PTPRT: variants seen among roughly 807,000 people sequenced by gnomAD.
PTPRT encodes protein tyrosine phosphatase receptor type T, also known as receptor-type tyrosine-protein phosphatase T.
In PTPRT, 56 loss-of-function variants were observed where a neutral mutation model predicts 176.8. The observed-to-expected ratio is 0.32, with a 90% CI of 0.26 to 0.40. The LOEUF is 0.40. PTPRT is among the 10% of genes least tolerant of loss of function. PTPRT has a pLI of 1.00. For synonymous variants in PTPRT, 783 were observed against 739.0 expected (o/e 1.06, Z -0.96); for missense variants, 1,540 against 1,908.2 (o/e 0.81, Z 3.60).
chr20:42,646,308 A>G (rs2074898369), intron 7 of PTPRT, among the ~76,000 whole-genome samples: 1 of 152,190 alleles, frequency 6.6e-6, no homozygotes, highest in Non-Finnish European at 1.5e-5. Context: ...TTTATGGACC[A>G]TGGACCAAAT....
At chr20:43,043,188 T>C (rs1366767738) in intron 1 of PTPRT, among the ~76,000 whole-genome samples, 2 of 152,164 alleles carry the variant, frequency 1.3e-5, no homozygotes, top group Non-Finnish European at 2.9e-5. Context: ...AAGTGCTGAT[T>C]GCAAATACAC....
chr20:42,709,248 T>C (rs1466458567), intron 6 of PTPRT, among the ~76,000 whole-genome samples: 2 of 152,174 alleles, frequency 1.3e-5, no homozygotes, highest in African/African-American at 4.8e-5. Context: ...GTGTTACGGA[T>C]GTTTGTCCCC....
intron 3 of PTPRT, among the ~76,000 whole-genome samples, chr20:42,783,653 G>C (rs1328065663): frequency 1.3e-5 from 2 of 152,300 alleles, no homozygotes; most frequent in East Asian, 3.9e-4. Context: ...AGGGGACAAG[G>C]TGATGCCTGG....
intron 11 of PTPRT, among the ~76,000 whole-genome samples, chr20:42,327,532 AG>A (rs2057903150): frequency 6.6e-6 from 1 of 151,910 alleles, no homozygotes; most frequent in South Asian, 2.1e-4. Flanking sequence ...TACAAACTAA[AG>A]GTTTTGAAGC....
At chr20:42,985,468 T>C (rs1983519551) in intron 1 of PTPRT, among the ~76,000 whole-genome samples, 2 of 152,114 alleles carry the variant, frequency 1.3e-5, no homozygotes, top group South Asian at 4.2e-4. Context: ...CACTCCAGCC[T>C]GGGCAACAGA....
intron 15 of PTPRT, among the ~76,000 whole-genome samples, chr20:42,203,981 GTGTC>G (rs2146697676): frequency 6.6e-6 from 1 of 152,298 alleles, no homozygotes; most frequent in Admixed American, 6.5e-5. Context: ...TTCTTGCTGA[GTGTC>G]TGGCACATGG....
chr20:42,277,082 C>T (rs1019357406), intron 13 of PTPRT, among the ~76,000 whole-genome samples: 8 of 152,166 alleles, frequency 5.3e-5, no homozygotes, highest in African/African-American at 1.9e-4. Context: ...ACTATTGGAA[C>T]AATGGCGTTA....
chr20:42,033,481 T>C, the PTPRT span, among the ~76,000 whole-genome samples: 1 of 152,176 alleles, frequency 6.6e-6, no homozygotes, highest in Admixed American at 6.5e-5. Flanking sequence ...GGAGCTGCCA[T>C]ACTTCATGTC....
intron 18 of PTPRT, among the ~76,000 whole-genome samples, chr20:42,130,999 T>C (rs1038437136): frequency 5.9e-5 from 9 of 152,308 alleles, no homozygotes; most frequent in Non-Finnish European, 1.3e-4. Context: ...ATGAAGACAC[T>C]GAGGCTCAGA....
chr20:42,989,939 T>A (rs988042579), intron 1 of PTPRT, among the ~76,000 whole-genome samples: 2 of 152,186 alleles, frequency 1.3e-5, no homozygotes, highest in African/African-American at 4.8e-5. Context: ...ACAGCCCTTG[T>A]GGAGATGTTG....
chr20:42,098,893 C>T (rs112935835), intron 26 of PTPRT, among the ~76,000 whole-genome samples: 73 of 152,344 alleles, frequency 4.8e-4, no homozygotes, highest in African/African-American at 1.7e-3. Flanking sequence ...CAAGACACCT[C>T]TTGGGATATA....
At position 42,545,214 on chromosome 20, in the gene PTPRT, T is replaced by C. The variant is rs137996194; in HGVS notation, c.1154-72652A>G. On this transcript the variant is annotated intron_variant, in intron 7 of 30. Coordinates refer to ENST00000373187, the MANE Select transcript of PTPRT (RefSeq NM_007050.6). ...GGCAAAGTAAACTCTGCTGGACTTT[T>C]ACCTTGGAATTCCGTAGTACCGGTC... 6.6e-5 allele frequency among the ~76,000 whole-genome samples: 10 copies of C among 152,348 alleles called. No homozygotes were observed. The East Asian group carries it at 1.7e-3, about 26-fold the overall frequency.
chr20:42,859,239 G>C (rs915592612), intron 2 of PTPRT, among the ~76,000 whole-genome samples: 1 of 152,162 alleles, frequency 6.6e-6, no homozygotes, highest in African/African-American at 2.4e-5. Context: ...GAAGCAAGTT[G>C]ATTTATCTTC....
intron 7 of PTPRT, among the ~76,000 whole-genome samples, chr20:42,635,114 T>C (rs557845370): frequency 5.9e-5 from 9 of 152,140 alleles, no homozygotes; most frequent in East Asian, 1.9e-4. Flanking sequence ...TGAAAAAAAA[T>C]ATTTTTCAGA....
At chr20:42,106,278 T>C (rs1986432601) in intron 24 of PTPRT, among the ~76,000 whole-genome samples, 1 of 152,188 alleles carries the variant, frequency 6.6e-6, no homozygotes, top group Non-Finnish European at 1.5e-5. Flanking sequence ...CACAGAGAGT[T>C]GCCTAAAGGT....
chr20:42,786,959 T>G (rs1444475578), intron 3 of PTPRT, among the ~76,000 whole-genome samples: 2 of 152,216 alleles, frequency 1.3e-5, no homozygotes, highest in African/African-American at 4.8e-5. Context: ...AGCTATGGCC[T>G]GGAAGCCAAA....
intron 9 of PTPRT, among the ~76,000 whole-genome samples, chr20:42,425,155 T>C (rs2059151625): frequency 6.6e-6 from 1 of 152,080 alleles, no homozygotes; most frequent in African/African-American, 2.4e-5. Flanking sequence ...CTTCTAGATG[T>C]CTGGGAAACA....
chr20:42,744,624 A>G (rs896314737), intron 6 of PTPRT, among the ~76,000 whole-genome samples: 2 of 152,208 alleles, frequency 1.3e-5, no homozygotes, highest in African/African-American at 4.8e-5. Context: ...CCCAAGGCTT[A>G]GTAGCTTAAC....
At chr20:43,070,162 A>C (rs1465469338) in intron 1 of PTPRT, among the ~76,000 whole-genome samples, 3 of 152,158 alleles carry the variant, frequency 2.0e-5, no homozygotes, top group African/African-American at 7.2e-5. Context: ...GATGCAGTGC[A>C]TGCTGCTGGT....
Sources: allele counts gnomAD v4.1 joint callset (sites outside exome capture counted in the v4.1 genomes callset), GRCh38; gene constraint gnomAD v4.1.1; transcripts MANE v1.5; gene names NCBI Gene and HGNC (gene_info 2026-07-23, HGNC 2026-07-21).